The following KCNH8 variants were observed in gnomAD, a reference collection of about 807,000 sequenced individuals.
The protein encoded by KCNH8 is voltage-gated delayed rectifier potassium channel KCNH8.
KCNH8 carries 70 observed loss-of-function variants against 103.6 expected under a neutral mutation model. That is an observed-to-expected ratio of 0.68 (90% CI 0.56 to 0.82). KCNH8 has a LOEUF of 0.82. Ranked by LOEUF, KCNH8 falls within the 40% of genes least tolerant of loss-of-function variation. The probability of loss-of-function intolerance (pLI) is 0.00; values close to 1 mark genes in which losing one functional copy is unlikely to be tolerated. For synonymous variants in KCNH8, 498 were observed against 489.4 expected (o/e 1.02, Z -0.23); for missense variants, 1,217 against 1,329.9 (o/e 0.92, Z 1.32).
Position 19,359,429 on chromosome 3 carries a change from G to A in KCNH8, c.811+11464G>A, listed in dbSNP as rs372797907. ...AAAATAAAAATAGCTATAATAACAC[G>A]CAGTATCAGAAACTGATAAACTAGC... On this transcript the variant is annotated intron_variant, in intron 5 of 15. Transcript: ENST00000328405. Among the ~76,000 whole-genome samples the A allele has an allele frequency of 1.9e-4, 29 of 151,880 alleles. 1 individual carries two copies. Among genetic ancestry groups the A allele is most frequent in the South Asian group, 1.7e-3 (8 of 4,814 alleles).
intron 11 of KCNH8, among the ~76,000 whole-genome samples, chr3:19,479,275 T>C (rs965036974): frequency 2.6e-5 from 4 of 152,152 alleles, no homozygotes; most frequent in African/African-American, 9.7e-5. Context: ...TACTTCTGTA[T>C]CAGAAGTGAT....
At chr3:19,324,077 C>A (rs1420721406) in intron 3 of KCNH8, among the ~76,000 whole-genome samples, 1 of 152,104 alleles carries the variant, frequency 6.6e-6, no homozygotes, top group Non-Finnish European at 1.5e-5. Context: ...GAGATTATGT[C>A]ATTTGTCTTC....
rs57523893 is a variant in KCNH8, at chr3:19,403,361, A to AATATATAT, written c.1177+8082_1177+8089dup. ...CCCCCCATGAAATACATATGTAAAG[A>AATATATAT]ATATATATATATATATATATATATA... is the stretch of plus-strand genomic sequence containing the variant. On this transcript the variant is annotated intron_variant, in intron 7 of 15. Transcript: ENST00000328405. Among the ~76,000 whole-genome samples, 1,103 of 124,146 alleles carry AATATATAT rather than the reference A, an allele frequency of 8.9e-3. 13 individuals carry two copies. The highest frequency in any genetic ancestry group is 0.011 in the Non-Finnish European group (623 of 56,254). 81.4% of individuals were successfully genotyped at this position (124,146 alleles called of 152,430 possible).
At chr3:19,527,150 G>A (rs541119898) in intron 15 of KCNH8, among the ~76,000 whole-genome samples, 1 of 152,034 alleles carries the variant, frequency 6.6e-6, no homozygotes, top group Admixed American at 6.6e-5. Flanking sequence ...TTTTCCAATG[G>A]CATCAATTAT....
intron 3 of KCNH8, among the ~76,000 whole-genome samples, chr3:19,320,445 A>G (rs1033284055): frequency 1.3e-5 from 2 of 151,936 alleles, no homozygotes; most frequent in Non-Finnish European, 2.9e-5. Flanking sequence ...AATTCTGTTT[A>G]TGTGGTGTAT....
intron 2 of KCNH8, among the ~76,000 whole-genome samples, chr3:19,278,325 TA>T (rs1468400815): frequency 2.6e-5 from 4 of 151,394 alleles, no homozygotes; most frequent in African/African-American, 9.7e-5. Flanking sequence ...AAGAAAAGCA[TA>T]AATATACCTG....
intron 3 of KCNH8, among the ~76,000 whole-genome samples, chr3:19,301,074 A>T (rs1479122844): frequency 1.3e-5 from 2 of 151,382 alleles, no homozygotes; most frequent in Non-Finnish European, 2.9e-5. Context: ...GAGCAATATT[A>T]TTATCAGTGT....
At chr3:19,286,730 T>C (rs1256168159) in intron 3 of KCNH8, among the ~76,000 whole-genome samples, 1 of 152,224 alleles carries the variant, frequency 6.6e-6, no homozygotes, top group East Asian at 1.9e-4. Context: ...AAAATGATTT[T>C]TGTGTTGTAT....
At position 19,481,894 on chromosome 3, in the gene KCNH8, A is replaced by G. The variant is rs7620515; in HGVS notation, c.2040+24912A>G. ...GCCTGTGACAGACATTCTGTTCTTAACTTGATGGATGAAGTTGCAGCAGGA... is the reference window on the plus strand; with the variant it reads ...GCCTGTGACAGACATTCTGTTCTTAGCTTGATGGATGAAGTTGCAGCAGGA... On this transcript the variant is annotated intron_variant, in intron 11 of 15. Transcript: ENST00000328405. Among the ~76,000 whole-genome samples, 885 of 152,300 alleles carry G rather than the reference A, an allele frequency of 5.8e-3. 10 individuals are homozygous for G. The highest frequency in any genetic ancestry group is 0.019 in the African/African-American group (798 of 41,556).
chr3:19,150,063 A>G (rs1318456558), intron 1 of KCNH8, among the ~76,000 whole-genome samples: 1 of 152,138 alleles, frequency 6.6e-6, no homozygotes, highest in African/African-American at 2.4e-5. Context: ...GTTGGTGTGG[A>G]TATTTGGTCA....
At chr3:19,331,065 A>G (rs897781797) in intron 3 of KCNH8, among the ~76,000 whole-genome samples, 5 of 152,066 alleles carry the variant, frequency 3.3e-5, no homozygotes, top group African/African-American at 1.2e-4. Flanking sequence ...CTTACAAGGT[A>G]GTATAAAGTT....
intron 3 of KCNH8, among the ~76,000 whole-genome samples, chr3:19,289,477 T>C (rs959938554): frequency 2.0e-4 from 30 of 152,246 alleles, no homozygotes; most frequent in Non-Finnish European, 3.7e-4. Context: ...ATTTATTAAA[T>C]AGGGAATCCT....
intron 5 of KCNH8, among the ~76,000 whole-genome samples, chr3:19,378,382 T>C (rs972022451): frequency 3.5e-4 from 53 of 152,126 alleles, no homozygotes; most frequent in African/African-American, 1.3e-3. Flanking sequence ...CATTGTACAA[T>C]AGAGTTGCAT....
At chr3:19,371,076 G>A (rs1336130033) in intron 5 of KCNH8, among the ~76,000 whole-genome samples, 10 of 152,078 alleles carry the variant, frequency 6.6e-5, no homozygotes, top group Middle Eastern at 6.8e-3. Context: ...ACATACGTGT[G>A]CATGTGTCTT....
chr3:19,315,567 G>A (rs2065262894), intron 3 of KCNH8, among the ~76,000 whole-genome samples: 1 of 151,960 alleles, frequency 6.6e-6, no homozygotes, highest in Non-Finnish European at 1.5e-5. Flanking sequence ...ATCATTTGTA[G>A]ATCAGATATC....
At chr3:19,364,542 G>T (rs1293879597) in intron 5 of KCNH8, among the ~76,000 whole-genome samples, 1 of 151,928 alleles carries the variant, frequency 6.6e-6, no homozygotes, top group Non-Finnish European at 1.5e-5. Flanking sequence ...GCTATTTTTT[G>T]GTGAATAAAT....
At chr3:19,167,058 C>A (rs1376878026) in intron 1 of KCNH8, among the ~76,000 whole-genome samples, 1 of 152,162 alleles carries the variant, frequency 6.6e-6, no homozygotes, top group Non-Finnish European at 1.5e-5. Flanking sequence ...TGTTCTCTGT[C>A]ACAAGTGTCT....
chr3:19,290,259 C>G (rs1016803407), intron 3 of KCNH8, among the ~76,000 whole-genome samples: 9 of 152,148 alleles, frequency 5.9e-5, no homozygotes, highest in Admixed American at 1.3e-4. Flanking sequence ...CCTAATTGCC[C>G]TGGCCTGAAC....
intron 3 of KCNH8, among the ~76,000 whole-genome samples, chr3:19,287,792 G>A (rs2125278838): frequency 6.6e-6 from 1 of 152,206 alleles, no homozygotes; most frequent in Non-Finnish European, 1.5e-5. Context: ...CATCATGTTG[G>A]CCAGGATGGT....
Sources: allele counts gnomAD v4.1 joint callset (sites outside exome capture counted in the v4.1 genomes callset), GRCh38; gene constraint gnomAD v4.1.1; transcripts MANE v1.5; gene names NCBI Gene and HGNC (gene_info 2026-07-23, HGNC 2026-07-21).